The following SNX29 variants were observed in gnomAD, a reference collection of about 807,000 sequenced individuals.
SNX29 encodes sorting nexin-29.
SNX29 carries 78 observed loss-of-function variants against 102.1 expected under a neutral mutation model. The observed-to-expected ratio is 0.76, with a 90% CI of 0.64 to 0.92. The LOEUF is 0.92. SNX29 is among the 40% of genes least tolerant of loss of function. SNX29 has a pLI of 0.00. For synonymous variants in SNX29, 580 were observed against 414.5 expected, an observed-to-expected ratio of 1.40 and a Z score of -4.85; for missense variants, 1,280 against 1,061.7, an observed-to-expected ratio of 1.21 and a Z score of -2.86.
At chr16:12,008,802 C>T (rs897767006) in intron 3 of SNX29, among the ~76,000 whole-genome samples, 2 of 149,726 alleles carry the variant, frequency 1.3e-5, no homozygotes. Flanking sequence ...AGTACAGTGG[C>T]GCAATCTCAG....
chr16:12,335,935 C>T (rs2081433779), intron 15 of SNX29, among the ~76,000 whole-genome samples: 1 of 152,106 alleles, frequency 6.6e-6, no homozygotes, highest in South Asian at 2.1e-4. Context: ...GGCAGTTGGA[C>T]TCCACCTCCA....
At chr16:12,337,117 G>A (rs527460087) in intron 15 of SNX29, among the ~76,000 whole-genome samples, 5 of 152,332 alleles carry the variant, frequency 3.3e-5, no homozygotes, top group African/African-American at 1.2e-4. Flanking sequence ...AAGGAACTGA[G>A]TTTGCATAAA....
chr16:12,543,387 C>G (rs1184629441), intron 20 of SNX29, among the ~76,000 whole-genome samples: 1 of 152,144 alleles, frequency 6.6e-6, no homozygotes, highest in Non-Finnish European at 1.5e-5. Context: ...ACATGATTAT[C>G]CAGAAGGAGG....
At chr16:12,551,571 C>G (rs1325748356) in intron 20 of SNX29, among the ~76,000 whole-genome samples, 1 of 152,188 alleles carries the variant, frequency 6.6e-6, no homozygotes, top group Non-Finnish European at 1.5e-5. Context: ...AGAAGCCCTG[C>G]TTTCAAAAGG....
chr16:12,180,216 A>C (rs61101741), intron 13 of SNX29, among the ~76,000 whole-genome samples: 4,191 of 151,672 alleles, frequency 0.028, 208 homozygotes, highest in African/African-American at 0.095. Flanking sequence ...TGCTCTTTTC[A>C]TCTTCTAGGT....
chr16:12,074,935 C>A (rs1251642968), intron 10 of SNX29, among the ~76,000 whole-genome samples: 1 of 152,102 alleles, frequency 6.6e-6, no homozygotes. Context: ...TCACTGATAC[C>A]CTTTCTTCCA....
intron 13 of SNX29, among the ~76,000 whole-genome samples, chr16:12,146,402 AT>A (rs747904325): frequency 6.6e-6 from 1 of 152,000 alleles, no homozygotes; most frequent in Non-Finnish European, 1.5e-5. Context: ...AGTAGCTGGG[AT>A]TATAGGCACG....
chr16:11,983,583 G>C (rs1195329389), intron 1 of SNX29: 2 of 923,658 alleles, frequency 2.2e-6, no homozygotes, highest in Non-Finnish European at 2.6e-6. Context: ...ATTGATCTAT[G>C]ATGGTGGAAT....
At position 12,570,738 on chromosome 16, in the gene SNX29, C is replaced by T. The variant is rs1223641074; in HGVS notation, c.*2109C>T. ...GTGAATTGGTCTCTCTCCAGATACCCCACGAGGAAGCACCTTGGACATTCT... is the reference window on the plus strand; with the variant it reads ...GTGAATTGGTCTCTCTCCAGATACCTCACGAGGAAGCACCTTGGACATTCT... On this transcript the variant is annotated 3_prime_UTR_variant, in exon 21 of 21. Transcript: ENST00000566228. The T allele has an allele frequency of 4.3e-6, 1 of 232,268 alleles. No individual in the cohort carries two copies. Among genetic ancestry groups the T allele is most frequent in the Admixed American group, 5.6e-5 (1 of 17,736 alleles). The allele number at this position is 232,268 out of a possible 1,614,324, so 14.4% of individuals were successfully genotyped here.
At chr16:12,398,312 G>C in intron 16 of SNX29, 134 bp from the exon 17 acceptor site, 1 of 953,676 alleles carries the variant, frequency 1.0e-6, no homozygotes, top group Non-Finnish European at 1.7e-6. Context: ...CCGTTTTCCA[G>C]TGACTGCTTT....
At chr16:12,381,751 C>T (rs1416043624) in intron 16 of SNX29, among the ~76,000 whole-genome samples, 1 of 96,324 alleles carries the variant, frequency 1.0e-5, no homozygotes, top group East Asian at 3.3e-4. Flanking sequence ...CCCCACCCAT[C>T]ATCCATCCAT....
chr16:12,317,258 G>A (rs951630784), intron 15 of SNX29, among the ~76,000 whole-genome samples: 6 of 152,184 alleles, frequency 3.9e-5, no homozygotes, highest in African/African-American at 1.4e-4. Context: ...TCCCTCCAGA[G>A]ACACACTTGG....
At chr16:12,038,354 C>T (rs1253966751) in intron 4 of SNX29, among the ~76,000 whole-genome samples, 5 of 152,140 alleles carry the variant, frequency 3.3e-5, no homozygotes, top group Non-Finnish European at 7.3e-5. Flanking sequence ...AGAAACTTTC[C>T]CAAAAGCCTG....
chr16:12,473,049 C>A (rs570673011), intron 18 of SNX29, among the ~76,000 whole-genome samples: 1 of 152,048 alleles, frequency 6.6e-6, no homozygotes, highest in African/African-American at 2.4e-5. Context: ...CTTTATGGCT[C>A]AAGCAGAAGG....
At chr16:12,344,031 G>C (rs1187367534) in intron 15 of SNX29, among the ~76,000 whole-genome samples, 2 of 152,152 alleles carry the variant, frequency 1.3e-5, no homozygotes, top group Non-Finnish European at 2.9e-5. Context: ...GTGGTAGTGA[G>C]TCTCATGAGA....
intron 14 of SNX29, among the ~76,000 whole-genome samples, chr16:12,248,573 A>G (rs1294067542): frequency 3.3e-5 from 5 of 151,746 alleles, no homozygotes; most frequent in East Asian, 1.9e-4. Context: ...TATTTTTAGT[A>G]GAGTAGTAGT....
chr16:12,136,006 G>A (rs1263880898), intron 13 of SNX29, among the ~76,000 whole-genome samples: 6 of 152,194 alleles, frequency 3.9e-5, no homozygotes, highest in African/African-American at 1.2e-4. Context: ...CACTGGGACC[G>A]GCCTCGCAGT....
intron 15 of SNX29, among the ~76,000 whole-genome samples, chr16:12,322,488 G>A (rs2080971711): frequency 6.6e-6 from 1 of 152,140 alleles, no homozygotes; most frequent in Non-Finnish European, 1.5e-5. Flanking sequence ...GTGGGTTACT[G>A]CAATATACAT....
chr16:12,463,907 AT>A (rs1261091415), intron 18 of SNX29, among the ~76,000 whole-genome samples: 9 of 150,964 alleles, frequency 6.0e-5, no homozygotes, highest in Admixed American at 1.3e-4. Context: ...AAACAGTACC[AT>A]GGTATTGTTA....
Sources: allele counts gnomAD v4.1 joint callset (sites outside exome capture counted in the v4.1 genomes callset), GRCh38; gene constraint gnomAD v4.1.1; transcripts MANE v1.5; gene names NCBI Gene and HGNC (gene_info 2026-07-23, HGNC 2026-07-21).